Variants in SLC6A15 observed in about 807,000 individuals in gnomAD.
The protein encoded by SLC6A15 is solute carrier family 6 member 15, also known as sodium-dependent neutral amino acid transporter B(0)AT2.
Under a neutral mutation model 68.5 loss-of-function variants are expected in SLC6A15, and 33 were observed. The ratio of observed to expected loss-of-function variants is 0.48; its 90% CI spans 0.37 to 0.64. The LOEUF (loss-of-function observed/expected upper bound fraction) is 0.64, where lower values mean the gene tolerates loss of function less well. Ranked by LOEUF, SLC6A15 falls within the 30% of genes least tolerant of loss-of-function variation. The probability of loss-of-function intolerance (pLI) is 0.00; values close to 1 mark genes in which losing one functional copy is unlikely to be tolerated. For synonymous variants in SLC6A15, 347 were observed against 301.0 expected (o/e 1.15, Z -1.58); for missense variants, 747 against 874.3 (o/e 0.85, Z 1.84).
Position 84,870,602 on chromosome 12 carries a change from G to C in SLC6A15, c.1371C>G (p.Pro457=), listed in dbSNP as rs373665263. Residue 457 remains proline, a synonymous_variant, in exon 9 of 12, where the codon CCC becomes CCG. Transcript: ENST00000266682. ...TEAMTHFPAS[P]FWSVMFFLML... is the part of the protein sequence containing the mutation. Reference sequence around the variant, plus strand: ...TGAGGAAAAACATCACTGACCAGAAGGGAGATGCAGGAAAATGTGTCATCG... The same window carrying C: ...TGAGGAAAAACATCACTGACCAGAACGGAGATGCAGGAAAATGTGTCATCG... 5.6e-6 allele frequency: 9 copies of C among 1,612,308 alleles called. No individual in the cohort carries two copies. The highest frequency in any genetic ancestry group is 6.8e-6 in the Non-Finnish European group (8 of 1,179,138).
intron 2 of SLC6A15, among the ~76,000 whole-genome samples, chr12:84,889,225 T>C (rs778849381): frequency 2.0e-5 from 3 of 151,750 alleles, no homozygotes; most frequent in Non-Finnish European, 4.4e-5. Context: ...GCGCGGTGGC[T>C]CATGCCTGTA....
chr12:84,885,652 A>T (rs1872065437), intron 3 of SLC6A15, 91 bp from the exon 4 acceptor site: 1 of 1,318,324 alleles, frequency 7.6e-7, no homozygotes, highest in Non-Finnish European at 1.0e-6. Context: ...TTAACATTTT[A>T]AAATCCTCTT....
At chr12:84,888,073 A>T (rs1545493) in intron 2 of SLC6A15, among the ~76,000 whole-genome samples, 5,913 of 150,542 alleles carry the variant, frequency 0.039, 385 homozygotes, top group African/African-American at 0.14. Flanking sequence ...CTACTAAAAA[A>T]ATAAAATAAA....
intron 1 of SLC6A15, among the ~76,000 whole-genome samples, chr12:84,902,851 G>C (rs758681339): frequency 2.0e-5 from 3 of 152,046 alleles, no homozygotes; most frequent in Non-Finnish European, 2.9e-5. Context: ...GGGATGGAGA[G>C]GGTAAATGGG....
At chr12:84,911,502 G>T (rs1873460510) in intron 1 of SLC6A15, among the ~76,000 whole-genome samples, 2 of 152,182 alleles carry the variant, frequency 1.3e-5, no homozygotes, top group Admixed American at 1.3e-4. Context: ...AAGGGAAAGC[G>T]GGACGCTGGA....
Position 84,867,212 on chromosome 12 carries a change from T to C in SLC6A15, c.1496-19A>G, listed in dbSNP as rs1474111115. 1 of 1,557,702 alleles carries C rather than the reference T, an allele frequency of 6.4e-7. No homozygotes were observed. Among genetic ancestry groups the C allele is most frequent in the South Asian group, 1.2e-5 (1 of 80,054 alleles). Reference sequence around the variant, plus strand: ...CAGATAACTAGACAAAAGAAATAAATGAAAAAATGAGACTCTATTCAGAGA... The same window carrying C: ...CAGATAACTAGACAAAAGAAATAAACGAAAAAATGAGACTCTATTCAGAGA... On this transcript the variant is annotated intron_variant, in intron 9 of 11. Coordinates refer to ENST00000266682, the MANE Select transcript of SLC6A15 (RefSeq NM_182767.6).
At chr12:84,891,166 G>A (rs1313879508) in intron 2 of SLC6A15, among the ~76,000 whole-genome samples, 2 of 152,130 alleles carry the variant, frequency 1.3e-5, no homozygotes, top group African/African-American at 2.4e-5. Flanking sequence ...TAGCAATGAT[G>A]TTGCAGATAA....
chr12:84,893,676 C>T (rs950696550), intron 1 of SLC6A15, among the ~76,000 whole-genome samples: 1 of 152,082 alleles, frequency 6.6e-6, no homozygotes, highest in East Asian at 1.9e-4. Context: ...TCAAAGAAAA[C>T]AGCTATCATA....
At chr12:84,894,284 T>C (rs1238536034) in intron 1 of SLC6A15, among the ~76,000 whole-genome samples, 1 of 152,176 alleles carries the variant, frequency 6.6e-6, no homozygotes, top group Non-Finnish European at 1.5e-5. Context: ...TTACATTTAT[T>C]AAATTATCTG....
At chr12:84,883,577 G>A in intron 5 of SLC6A15, 2 of 1,383,704 alleles carry the variant, frequency 1.4e-6, no homozygotes. Context: ...TTGAATAAAG[G>A]GCAAAAAGAA....
At chr12:84,871,610 ATT>A (rs1565721745) in intron 8 of SLC6A15, among the ~76,000 whole-genome samples, 1 of 152,148 alleles carries the variant, frequency 6.6e-6, no homozygotes, top group Non-Finnish European at 1.5e-5. Context: ...TACATTAGTA[ATT>A]AATTAAATAT....
At chr12:84,877,934 A>C (rs1565724426) in intron 5 of SLC6A15, among the ~76,000 whole-genome samples, 1 of 152,206 alleles carries the variant, frequency 6.6e-6, no homozygotes, top group Non-Finnish European at 1.5e-5. Flanking sequence ...AGTTGCTGAC[A>C]TAGTAACTCT....
At chr12:84,865,231 G>A (rs1871017369) in intron 10 of SLC6A15, among the ~76,000 whole-genome samples, 1 of 152,130 alleles carries the variant, frequency 6.6e-6, no homozygotes, top group African/African-American at 2.4e-5. Context: ...TAAAAGAAGG[G>A]GCAGTTTCCC....
chr12:84,876,401 T>C, intron 6 of SLC6A15, 96 bp downstream of exon 6: 1 of 696,858 alleles, frequency 1.4e-6, no homozygotes, highest in South Asian at 2.2e-5. Flanking sequence ...TGTACATACA[T>C]TAGAACAATT....
chr12:84,882,008 A>G (rs1249595855), intron 5 of SLC6A15: 1 of 978,638 alleles, frequency 1.0e-6, no homozygotes, highest in Non-Finnish European at 1.2e-6. Context: ...TACTAAATAA[A>G]TTGTATTACA....
At position 84,872,754 on chromosome 12, in the gene SLC6A15, T is replaced by C. The variant is rs775885872; in HGVS notation, c.1150A>G (p.Ile384Val). 1 of 1,602,204 alleles carries C rather than the reference T, an allele frequency of 6.2e-7. No individual in the cohort carries two copies. Among genetic ancestry groups the C allele is most frequent in the Non-Finnish European group, 8.5e-7 (1 of 1,177,364 alleles). The change falls in exon 8 of 12, where the codon ATT (isoleucine) becomes GTT (valine). Residue 384 changes from isoleucine to valine, a missense_variant. Ile to Val is a conservative substitution (Grantham distance 29). Transcript: ENST00000266682. ...TGATGGGGAATAATATCCTGACTAA[T>C]GTTCCCCATTTTCAAAAATTTCATG... Reference protein sequence around the residue: ...TIMKFLKMGNISQDIIPHHIN... With the variant: ...TIMKFLKMGNVSQDIIPHHIN...
intron 5 of SLC6A15, among the ~76,000 whole-genome samples, chr12:84,879,122 C>T (rs1407857778): frequency 6.6e-6 from 1 of 151,930 alleles, no homozygotes; most frequent in East Asian, 1.9e-4. Flanking sequence ...CCACAAGCTG[C>T]ACAAGTTGTA....
At chr12:84,908,756 A>C (rs1592619044) in intron 1 of SLC6A15, among the ~76,000 whole-genome samples, 1 of 151,796 alleles carries the variant, frequency 6.6e-6, no homozygotes, top group Non-Finnish European at 1.5e-5. Flanking sequence ...TAAACACTCT[A>C]TATATATTCA....
rs939452731 is a variant in SLC6A15 at position 84,859,606 on chromosome 12, A to C, written c.*2026T>G. ...TAAGAGCCCCCATGGCAAGAGAGTG[A>C]GAGAAGAAGAATGGTGCTATTTGGC... On this transcript the variant is annotated 3_prime_UTR_variant, in exon 12 of 12. Transcript: ENST00000266682. 4 of 151,914 alleles carry C rather than the reference A, an allele frequency of 2.6e-5. No individual in the cohort carries two copies. Among genetic ancestry groups the C allele is most frequent in the Admixed American group, 1.3e-4 (2 of 15,236 alleles). The allele number at this position is 151,914 out of a possible 1,614,324, so 9.4% of individuals were successfully genotyped here.
Sources: gnomAD v4.1 joint callset for allele counts (sites outside exome capture counted in the v4.1 genomes callset) on GRCh38, gnomAD v4.1.1 for gene constraint, MANE v1.5 for transcripts, NCBI Gene and HGNC (gene_info 2026-07-23, HGNC 2026-07-21) for gene names.